TRPC6: variants seen among roughly 807,000 people sequenced by gnomAD.
TRPC6 encodes the protein transient receptor potential cation channel subfamily C member 6, also known as short transient receptor potential channel 6.
A neutral mutation model predicts 90.7 loss-of-function variants in TRPC6; 55 were observed. The ratio of observed to expected loss-of-function variants is 0.61; its 90% CI spans 0.49 to 0.76. The LOEUF is 0.76. TRPC6 is among the 30% of genes least tolerant of loss of function. The pLI is 0.00. For synonymous variants in TRPC6, 393 were observed against 393.0 expected (o/e 1.00, Z 0.00); for missense variants, 989 against 1,122.7 (o/e 0.88, Z 1.70).
intron 1 of TRPC6, among the ~76,000 whole-genome samples, chr11:101,529,802 T>C (rs1860866165): frequency 6.6e-6 from 1 of 152,172 alleles, no homozygotes; most frequent in East Asian, 1.9e-4. Flanking sequence ...GTGGGAGCTT[T>C]GGGATCTAGG....
At chr11:101,494,544 T>C (rs1859899328) in intron 2 of TRPC6, among the ~76,000 whole-genome samples, 1 of 152,192 alleles carries the variant, frequency 6.6e-6, no homozygotes, top group African/African-American at 2.4e-5. Context: ...TGGCTTCTCT[T>C]GAATGTAGAG....
intron 1 of TRPC6, among the ~76,000 whole-genome samples, chr11:101,528,047 T>G (rs11224818): frequency 1.3e-5 from 2 of 151,924 alleles, no homozygotes; most frequent in African/African-American, 2.4e-5. Context: ...CACTCCAGCC[T>G]AGGTGACAGA....
At chr11:101,505,022 G>C (rs1317010277) in intron 1 of TRPC6, among the ~76,000 whole-genome samples, 1 of 152,172 alleles carries the variant, frequency 6.6e-6, no homozygotes, top group Admixed American at 6.5e-5. Context: ...ATTCCCATTT[G>C]GGGTGGAGAC....
chr11:101,550,883 TATC>T (rs927750126), intron 1 of TRPC6, among the ~76,000 whole-genome samples: 25 of 151,956 alleles, frequency 1.6e-4, no homozygotes, highest in African/African-American at 5.8e-4. Context: ...GCTCACCTAA[TATC>T]ATTGTGATAT....
chr11:101,520,235 T>C (rs1481063886), intron 1 of TRPC6, among the ~76,000 whole-genome samples: 1 of 152,024 alleles, frequency 6.6e-6, no homozygotes, highest in Non-Finnish European at 1.5e-5. Flanking sequence ...TAAGTGTGTC[T>C]CACCTCCCGC....
chr11:101,521,484 C>T (rs530502980), intron 1 of TRPC6, among the ~76,000 whole-genome samples: 37 of 152,206 alleles, frequency 2.4e-4, no homozygotes, highest in Non-Finnish European at 4.0e-4. Flanking sequence ...GCAGGGGCTG[C>T]GCCCTCATGA....
chr11:101,496,169 C>T (rs1186998479), intron 2 of TRPC6, among the ~76,000 whole-genome samples: 1 of 152,116 alleles, frequency 6.6e-6, no homozygotes, highest in Non-Finnish European at 1.5e-5. Flanking sequence ...AGCATGAGAA[C>T]AGCAAGAGGA....
intron 1 of TRPC6, among the ~76,000 whole-genome samples, chr11:101,582,362 G>T (rs1862216543): frequency 6.6e-6 from 1 of 152,126 alleles, no homozygotes; most frequent in Non-Finnish European, 1.5e-5. Flanking sequence ...GCTGTTTATA[G>T]AGCTGAGAAC....
At chr11:101,508,436 A>G (rs1326818368) in intron 1 of TRPC6, among the ~76,000 whole-genome samples, 1 of 152,136 alleles carries the variant, frequency 6.6e-6, no homozygotes, top group Non-Finnish European at 1.5e-5. Flanking sequence ...CTGAGTTAAC[A>G]AGATGGATGA....
In TRPC6 at chr11:101,452,002, G is replaced by C. The variant is rs1858773693; in HGVS notation, c.*953C>G. Reference sequence around the variant, plus strand: ...AGAACATATTGAAAATAACAGATAAGTATTTACAAATTCTCACCTTATTTT... The same window carrying C: ...AGAACATATTGAAAATAACAGATAACTATTTACAAATTCTCACCTTATTTT... On this transcript the variant is annotated 3_prime_UTR_variant, in exon 13 of 13. Transcript: ENST00000344327. 6.6e-6 allele frequency: 1 copy of C among 152,132 alleles called. No homozygotes were observed. Among genetic ancestry groups the C allele is most frequent in the African/African-American group, 2.4e-5 (1 of 41,434 alleles). 9.4% of individuals were successfully genotyped at this position (152,132 alleles called of 1,614,324 possible).
At chr11:101,575,361 C>A (rs1862049943) in intron 1 of TRPC6, among the ~76,000 whole-genome samples, 1 of 152,194 alleles carries the variant, frequency 6.6e-6, no homozygotes, top group Non-Finnish European at 1.5e-5. Context: ...CCTAGTTTCA[C>A]TCTTTATTGA....
rs1186919393 is a variant in TRPC6 at position 101,482,985 on chromosome 11, A to G, written c.1474T>C (p.Ser492Pro). The change falls in exon 5 of 13, where the codon TCA becomes CCA. Residue 492 changes from serine (S) to proline (P), a missense_variant. By Grantham distance (74) the Ser-to-Pro change is moderately conservative. Transcript: ENST00000344327. ...GATATAATGAGCATCTCCATCCATG[A>G]GAAGCAGGATGTTTTCATCCTGAAC... Reference protein sequence around the residue: ...QLFRMKTSCFSWMEMLIISWV... With the variant: ...QLFRMKTSCFPWMEMLIISWV... 1 of 1,613,930 alleles carries G rather than the reference A, an allele frequency of 6.2e-7. No homozygotes were observed. Among genetic ancestry groups the G allele is most frequent in the Non-Finnish European group, 8.5e-7 (1 of 1,179,930 alleles).
intron 10 of TRPC6, among the ~76,000 whole-genome samples, chr11:101,469,027 G>A (rs1591527087): frequency 6.6e-6 from 1 of 152,174 alleles, no homozygotes; most frequent in African/African-American, 2.4e-5. Flanking sequence ...AGGTCCCACA[G>A]TGCCTTTTTC....
At chr11:101,569,696 G>C (rs894299812) in intron 1 of TRPC6, among the ~76,000 whole-genome samples, 1 of 152,106 alleles carries the variant, frequency 6.6e-6, no homozygotes, top group Non-Finnish European at 1.5e-5. Context: ...AATCAAATTA[G>C]AACTCAGGAT....
At chr11:101,526,913 T>C (rs1318950052) in intron 1 of TRPC6, among the ~76,000 whole-genome samples, 1 of 145,060 alleles carries the variant, frequency 6.9e-6, no homozygotes, top group African/African-American at 2.6e-5. Context: ...ATAGTCTTAG[T>C]TCCTGGACAA....
rs1227678536 is a variant in TRPC6 at position 101,583,475 on chromosome 11, C to T, written c.29G>A (p.Arg10Gln). 3.3e-6 allele frequency: 5 copies of T among 1,515,982 alleles called. No individual in the cohort carries two copies. Among genetic ancestry groups the T allele is most frequent in the Admixed American group, 4.1e-5 (2 of 48,824 alleles). The allele number at this position is 1,515,982 out of a possible 1,614,324, so 93.9% of individuals were successfully genotyped here. MSQSPAFGP[R>Q]RGSSPRGAAG... ...AGCGCCCCGGGGAGAACTGCCCCTC[C>T]GGGGCCCGAACGCCGGGCTCTGGCT... The change falls in exon 1 of 13, where the codon CGG becomes CAG. Residue 10 changes from arginine to glutamine, a missense_variant. Arg to Gln is a conservative substitution (Grantham distance 43, BLOSUM62 1). Coordinates refer to ENST00000344327, the MANE Select transcript of TRPC6 (RefSeq NM_004621.6).
At chr11:101,546,860 C>A (rs1001404353) in intron 1 of TRPC6, among the ~76,000 whole-genome samples, 2 of 151,936 alleles carry the variant, frequency 1.3e-5, no homozygotes, top group Admixed American at 1.3e-4. Flanking sequence ...TATATTTATA[C>A]AAGGGATACT....
intron 11 of TRPC6, among the ~76,000 whole-genome samples, chr11:101,454,453 C>A (rs932599112): frequency 5.3e-5 from 8 of 151,860 alleles, no homozygotes; most frequent in African/African-American, 1.9e-4. Context: ...TTTAAATGTT[C>A]ATCAGTAAGG....
chr11:101,463,283 G>A (rs551817972), intron 10 of TRPC6, among the ~76,000 whole-genome samples: 71 of 152,240 alleles, frequency 4.7e-4, no homozygotes, highest in East Asian at 3.3e-3. Flanking sequence ...TTTCTGTTGC[G>A]TCTCTGCTAG....
Sources: gnomAD v4.1 joint callset for allele counts (sites outside exome capture counted in the v4.1 genomes callset) on GRCh38, gnomAD v4.1.1 for gene constraint, MANE v1.5 for transcripts, NCBI Gene and HGNC (gene_info 2026-07-23, HGNC 2026-07-21) for gene names.